Variants in ILDR1 observed in about 807,000 individuals in gnomAD.
ILDR1 encodes immunoglobulin-like domain-containing receptor 1.
ILDR1 carries 56 observed loss-of-function variants against 62.4 expected under a neutral mutation model. The observed-to-expected ratio is 0.90, with a 90% CI of 0.72 to 1.12. ILDR1 has a LOEUF of 1.12. Ranked by LOEUF, ILDR1 falls within the 50% of genes most tolerant of loss-of-function variation. The probability of loss-of-function intolerance (pLI) is 0.00; values close to 1 mark genes in which losing one functional copy is unlikely to be tolerated. For missense variants in ILDR1, 736 were observed against 710.6 expected (o/e 1.04, Z -0.41); for synonymous variants, 284 against 277.8 (o/e 1.02, Z -0.22).
intron 5 of ILDR1, among the ~76,000 whole-genome samples, chr3:121,996,638 G>C (rs745791205): frequency 1.4e-4 from 21 of 152,154 alleles, no homozygotes; most frequent in Non-Finnish European, 2.6e-4. Flanking sequence ...AACCTCAGTG[G>C]AGTAAAATCT....
intron 1 of ILDR1, among the ~76,000 whole-genome samples, chr3:122,012,996 G>A (rs1351457129): frequency 6.6e-6 from 1 of 152,168 alleles, no homozygotes; most frequent in Non-Finnish European, 1.5e-5. Context: ...TGAGATATCA[G>A]AGCTCATGGG....
chr3:122,032,538 T>A, the ILDR1 span, among the ~76,000 whole-genome samples: 1 of 152,198 alleles, frequency 6.6e-6, no homozygotes, highest in Non-Finnish European at 1.5e-5. Flanking sequence ...TTAAGATATG[T>A]CCATAAATTC....
At chr3:122,026,383 G>GTT (rs1054865209), upstream of ILDR1, among the ~76,000 whole-genome samples, 1 of 152,214 alleles carries the variant, frequency 6.6e-6, no homozygotes, top group Non-Finnish European at 1.5e-5. Flanking sequence ...TATTTTGACA[G>GTT]TTATGTAGAA....
Position 121,993,947 on chromosome 3 carries a change from G to A in ILDR1, c.802C>T (p.Pro268Ser). The change falls in exon 7 of 8, where the codon CCG becomes TCG. Residue 268 changes from proline (P) to serine (S), a missense_variant. Transcript: ENST00000344209. ...QRDLSLPSSL[P>S]QMPMTQTTNQ... ...GTGGTCTGGGTCATTGGCATCTGCG[G>A]GAGGCTGGACGGCAGGGACAAATCT... The A allele has an allele frequency of 6.2e-7, 1 of 1,612,166 alleles. No individual in the cohort carries two copies. Among genetic ancestry groups the A allele is most frequent in the Non-Finnish European group, 8.5e-7 (1 of 1,180,010 alleles).
Position 122,005,450 on chromosome 3 carries a change from AG to A in ILDR1, c.230-58del, listed in dbSNP as rs1468988205. The A allele has an allele frequency of 6.2e-6, 10 of 1,602,742 alleles. No homozygotes were observed. In the African/African-American group the frequency reaches 8.0e-5, roughly 13 times the overall value. On this transcript the variant is annotated intron_variant, in intron 2 of 7. Transcript: ENST00000344209. ...GCAATAGGGGGTTCCCACAAAAAAAAGGTTCCCTTCCTGCTCCGGGCGTGAG... is the reference window on the plus strand; with the variant it reads ...GCAATAGGGGGTTCCCACAAAAAAAAGTTCCCTTCCTGCTCCGGGCGTGAG...
the ILDR1 span, among the ~76,000 whole-genome samples, chr3:122,048,930 C>T: frequency 7.9e-4 from 120 of 152,234 alleles, no homozygotes; most frequent in Middle Eastern, 0.01. Context: ...GCCACCATTA[C>T]GCTTTAATCA....
At chr3:122,036,940 A>G in the ILDR1 span, among the ~76,000 whole-genome samples, 1 of 152,230 alleles carries the variant, frequency 6.6e-6, no homozygotes, top group African/African-American at 2.4e-5. Flanking sequence ...GCCAAGGTAC[A>G]GCTCAGGCCA....
the ILDR1 span, among the ~76,000 whole-genome samples, chr3:122,038,241 C>G: frequency 6.6e-6 from 1 of 152,172 alleles, no homozygotes; most frequent in Admixed American, 6.5e-5. Context: ...CAGAATATAG[C>G]TCAGAGAGTT....
At chr3:121,988,564 T>C (rs1477357790) in intron 7 of ILDR1, among the ~76,000 whole-genome samples, 156 bp from the exon 8 acceptor site, 1 of 152,240 alleles carries the variant, frequency 6.6e-6, no homozygotes, top group African/African-American at 2.4e-5. Flanking sequence ...TTACTCTTCA[T>C]GAAACCAATC....
chr3:122,003,950 C>A (rs1409282670), intron 3 of ILDR1, among the ~76,000 whole-genome samples: 2 of 151,830 alleles, frequency 1.3e-5, no homozygotes, highest in African/African-American at 2.4e-5. Context: ...TTTGAAGATG[C>A]CCCTGAAGAC....
At chr3:121,997,647 C>T (rs2071456699) in intron 5 of ILDR1, among the ~76,000 whole-genome samples, 1 of 152,156 alleles carries the variant, frequency 6.6e-6, no homozygotes, top group Admixed American at 6.5e-5. Context: ...TCTCCCTCGA[C>T]TTCACTTCCC....
At chr3:122,027,734 G>A in the ILDR1 span, among the ~76,000 whole-genome samples, 4 of 152,122 alleles carry the variant, frequency 2.6e-5, no homozygotes, top group African/African-American at 7.2e-5. Flanking sequence ...TTATCCATCT[G>A]GCTGTTCCTG....
chr3:122,026,074 A>G (rs1287250258), upstream of ILDR1, among the ~76,000 whole-genome samples: 1 of 152,184 alleles, frequency 6.6e-6, no homozygotes, highest in Non-Finnish European at 1.5e-5. Context: ...ATAAGCACTT[A>G]AGTTTTGCTA....
intron 5 of ILDR1, among the ~76,000 whole-genome samples, chr3:121,997,117 T>G (rs988891819): frequency 1.3e-5 from 2 of 152,152 alleles, no homozygotes; most frequent in Non-Finnish European, 2.9e-5. Context: ...GCCAGGCTGG[T>G]TTTGAACTCC....
Position 122,022,145 on chromosome 3 carries a change from C to A in ILDR1, c.-68G>T, listed in dbSNP as rs921117158. The A allele has an allele frequency of 5.2e-6, 7 of 1,341,536 alleles. No individual in the cohort carries two copies. Among genetic ancestry groups the A allele is most frequent in the Non-Finnish European group, 7.3e-6 (7 of 962,292 alleles). 83.1% of individuals were successfully genotyped at this position (1,341,536 alleles called of 1,614,324 possible). A position where few individuals can be genotyped will look rare whatever the true frequency, so the allele number is the denominator to read the frequency against. ...CACTGCGTCTTTCTTCCTCAGCTGC[C>A]GCCCCAGGACGCACCACCTTCTCCA... On this transcript the variant is annotated 5_prime_UTR_variant, in exon 1 of 8. Coordinates refer to ENST00000344209, the MANE Select transcript of ILDR1 (RefSeq NM_001199799.2).
At chr3:121,999,289 C>T (rs1027201780) in intron 5 of ILDR1, among the ~76,000 whole-genome samples, 18 of 152,126 alleles carry the variant, frequency 1.2e-4, no homozygotes, top group Middle Eastern at 6.3e-3. Context: ...CTGAATTTCT[C>T]AAATTTCCTA....
the ILDR1 span, among the ~76,000 whole-genome samples, chr3:122,045,981 T>A: frequency 4.1e-4 from 62 of 149,606 alleles, no homozygotes; most frequent in Non-Finnish European, 7.5e-4. Context: ...CTGGTTATTT[T>A]GCTCGTTAGT....
chr3:122,047,384 C>A, the ILDR1 span, among the ~76,000 whole-genome samples: 1 of 152,246 alleles, frequency 6.6e-6, no homozygotes, highest in African/African-American at 2.4e-5. Context: ...CTGTGCCCTG[C>A]CCCCAGAGGT....
rs2071591593 is a variant in ILDR1 at position 122,005,351 on chromosome 3, T to G, written c.272A>C (p.Asp91Ala). The G allele has an allele frequency of 6.2e-7, 1 of 1,614,006 alleles. No individual in the cohort carries two copies. Among genetic ancestry groups the G allele is most frequent in the African/African-American group, 1.3e-5 (1 of 74,886 alleles). ...AACTTCCCGCTGGTTGTCGTTGCAG[T>G]CATTGGATGGGTCCTGGCCCAGGGA... ...ALSLGQDPSN[D>A]CNDNQREVRI... The change falls in exon 3 of 8, where the codon GAC becomes GCC. Residue 91 changes from aspartate (D) to alanine (A), a missense_variant. Coordinates refer to ENST00000344209, the MANE Select transcript of ILDR1 (RefSeq NM_001199799.2).
Sources: allele counts gnomAD v4.1 joint callset (sites outside exome capture counted in the v4.1 genomes callset), GRCh38; gene constraint gnomAD v4.1.1; transcripts MANE v1.5; gene names NCBI Gene and HGNC (gene_info 2026-07-23, HGNC 2026-07-21).